The following LRRTM4 variants were observed in gnomAD, a reference collection of about 807,000 sequenced individuals.
LRRTM4 encodes the protein leucine rich repeat transmembrane neuronal 4.
LRRTM4 carries 25 observed loss-of-function variants against 47.6 expected under a neutral mutation model. The observed-to-expected ratio is 0.53, with a 90% CI of 0.38 to 0.73. LRRTM4 has a LOEUF of 0.73. LRRTM4 is among the 30% of genes least tolerant of loss of function. LRRTM4 has a pLI of 0.00. For synonymous variants in LRRTM4, 311 were observed against 269.5 expected, an observed-to-expected ratio of 1.15 and a Z score of -1.51; for missense variants, 638 against 713.4, an observed-to-expected ratio of 0.89 and a Z score of 1.20.
At chr2:77,043,766 T>C (rs1401112577) in intron 3 of LRRTM4, among the ~76,000 whole-genome samples, 1 of 151,840 alleles carries the variant, frequency 6.6e-6, no homozygotes, top group Non-Finnish European at 1.5e-5. Flanking sequence ...GCAAATATCC[T>C]TCATCTTAAA....
At chr2:77,516,114 G>A (rs937189396) in intron 3 of LRRTM4, among the ~76,000 whole-genome samples, 1 of 151,748 alleles carries the variant, frequency 6.6e-6, no homozygotes, top group Non-Finnish European at 1.5e-5. Flanking sequence ...GAAAGTTTGA[G>A]CTACTTTAGT....
chr2:77,467,602 G>A (rs1334946458), intron 3 of LRRTM4, among the ~76,000 whole-genome samples: 1 of 152,118 alleles, frequency 6.6e-6, no homozygotes, highest in African/African-American at 2.4e-5. Flanking sequence ...TTAAGCATAC[G>A]CTAAGAATAA....
chr2:77,071,755 G>A (rs1286149597), intron 3 of LRRTM4, among the ~76,000 whole-genome samples: 1 of 152,142 alleles, frequency 6.6e-6, no homozygotes, highest in African/African-American at 2.4e-5. Context: ...GGGGATGTAT[G>A]CTTCAGAGTT....
At chr2:77,255,466 C>T (rs1675739763) in intron 3 of LRRTM4, among the ~76,000 whole-genome samples, 2 of 151,974 alleles carry the variant, frequency 1.3e-5, no homozygotes, top group African/African-American at 2.4e-5. Context: ...CAGGAGATTA[C>T]ATATTATTTT....
chr2:76,759,619 C>T (rs1212191711), intron 3 of LRRTM4, among the ~76,000 whole-genome samples: 2 of 151,674 alleles, frequency 1.3e-5, no homozygotes, highest in Non-Finnish European at 2.9e-5. Flanking sequence ...GTTTTTTTTC[C>T]AGCTATTGTA....
intron 3 of LRRTM4, among the ~76,000 whole-genome samples, chr2:76,761,033 G>T (rs1673234803): frequency 6.6e-6 from 1 of 152,196 alleles, no homozygotes; most frequent in African/African-American, 2.4e-5. Flanking sequence ...TATGGCCCAG[G>T]CCACACTATG....
rs1329902938 is a variant in LRRTM4, at chr2:77,310,931, CAT to C, written c.1551+207385_1551+207386del. On this transcript the variant is annotated intron_variant, in intron 3 of 3. Transcript: ENST00000409884. ...AGATATATTTACACACATACACACA[CAT>C]ATATATAGAGAGAATATTATATGTG... 4.0e-5 allele frequency among the ~76,000 whole-genome samples: 6 copies of C among 150,920 alleles called. No homozygotes were observed. In the East Asian group the frequency reaches 7.8e-4, roughly 20 times the overall value.
At chr2:77,151,228 T>C (rs149286438) in intron 3 of LRRTM4, among the ~76,000 whole-genome samples, 301 of 152,186 alleles carry the variant, frequency 2.0e-3, no homozygotes, top group African/African-American at 6.7e-3. Flanking sequence ...AATACCATAT[T>C]GTTAATGGTA....
At chr2:77,120,297 G>T (rs1254280111) in intron 3 of LRRTM4, among the ~76,000 whole-genome samples, 2 of 151,704 alleles carry the variant, frequency 1.3e-5, no homozygotes, top group African/African-American at 4.8e-5. Context: ...GATTCTTCAA[G>T]TTTCTCAAAT....
At chr2:77,162,559 G>A (rs111474723) in intron 3 of LRRTM4, among the ~76,000 whole-genome samples, 6,167 of 152,218 alleles carry the variant, frequency 0.041, 423 homozygotes, top group African/African-American at 0.14. Flanking sequence ...GCCTAACTGG[G>A]AGGCACCTCC....
intron 3 of LRRTM4, among the ~76,000 whole-genome samples, chr2:76,853,412 C>A (rs1029093302): frequency 1.8e-4 from 27 of 151,976 alleles, no homozygotes; most frequent in African/African-American, 6.3e-4. Flanking sequence ...GTTGAGAGCA[C>A]CTGCCACCAT....
At chr2:77,377,743 C>T (rs902240611) in intron 3 of LRRTM4, among the ~76,000 whole-genome samples, 3 of 151,978 alleles carry the variant, frequency 2.0e-5, no homozygotes, top group African/African-American at 7.2e-5. Flanking sequence ...TTTATTTACT[C>T]TCTTTAATCA....
intron 3 of LRRTM4, among the ~76,000 whole-genome samples, chr2:77,396,198 C>A (rs967977254): frequency 1.3e-5 from 2 of 151,730 alleles, no homozygotes; most frequent in African/African-American, 2.4e-5. Flanking sequence ...CATATAACAA[C>A]CCCCTTAATC....
intron 3 of LRRTM4, among the ~76,000 whole-genome samples, chr2:77,514,797 G>A (rs774433603): frequency 4.0e-5 from 6 of 151,562 alleles, no homozygotes; most frequent in South Asian, 2.1e-4. Context: ...TATAAAGGCC[G>A]CTGCTACTTT....
chr2:77,284,122 T>G, intron 3 of LRRTM4, among the ~76,000 whole-genome samples: 2 of 152,216 alleles, frequency 1.3e-5, no homozygotes, highest in Middle Eastern at 3.4e-3. Flanking sequence ...GTTCCTTTCT[T>G]TGTCTAACAA....
intron 3 of LRRTM4, among the ~76,000 whole-genome samples, chr2:77,034,348 C>T (rs1234937959): frequency 6.6e-6 from 1 of 151,956 alleles, no homozygotes; most frequent in African/African-American, 2.4e-5. Flanking sequence ...TCCTTCTCTG[C>T]AAGATTAAAT....
chr2:76,872,259 G>T (rs1363590207), intron 3 of LRRTM4, among the ~76,000 whole-genome samples: 1 of 152,028 alleles, frequency 6.6e-6, no homozygotes, highest in Non-Finnish European at 1.5e-5. Context: ...TCAGAATCAT[G>T]AAATCCATAT....
At chr2:77,057,732 C>T (rs374633431) in intron 3 of LRRTM4, among the ~76,000 whole-genome samples, 3 of 152,080 alleles carry the variant, frequency 2.0e-5, no homozygotes, top group Non-Finnish European at 4.4e-5. Context: ...CTTTCATATG[C>T]TTTAGATATG....
At chr2:76,871,430 A>G (rs1401512148) in intron 3 of LRRTM4, among the ~76,000 whole-genome samples, 1 of 152,186 alleles carries the variant, frequency 6.6e-6, no homozygotes, top group South Asian at 2.1e-4. Context: ...CTAATATAGC[A>G]ATCTAAATAG....
Sources: allele counts gnomAD v4.1 joint callset (sites outside exome capture counted in the v4.1 genomes callset), GRCh38; gene constraint gnomAD v4.1.1; transcripts MANE v1.5; gene names NCBI Gene and HGNC (gene_info 2026-07-23, HGNC 2026-07-21).